Variants in SPHKAP observed in about 807,000 individuals in gnomAD.
SPHKAP encodes the protein SPHK1 interactor, AKAP domain containing.
In SPHKAP, 67 loss-of-function variants were observed where a neutral mutation model predicts 137.5. That is an observed-to-expected ratio of 0.49 (90% CI 0.40 to 0.60). The LOEUF (loss-of-function observed/expected upper bound fraction) is 0.60. Among genes scored for constraint, SPHKAP ranks in the 20% least tolerant of loss-of-function variants. The pLI, the probability that SPHKAP is intolerant of heterozygous loss-of-function variation, is 0.00. For synonymous variants in SPHKAP, 813 were observed against 785.3 expected, an observed-to-expected ratio of 1.04 and a Z score of -0.59; for missense variants, 2,097 against 2,069.3, an observed-to-expected ratio of 1.01 and a Z score of -0.26.
intron 3 of SPHKAP, among the ~76,000 whole-genome samples, chr2:228,068,409 A>G (rs1399660349): frequency 6.6e-6 from 1 of 152,126 alleles, no homozygotes; most frequent in African/African-American, 2.4e-5. Flanking sequence ...CCACAAAAGA[A>G]CCAGAAGAAC....
chr2:228,137,026 C>T (rs367650821), intron 1 of SPHKAP, among the ~76,000 whole-genome samples: 3 of 152,116 alleles, frequency 2.0e-5, no homozygotes, highest in African/African-American at 7.2e-5. Flanking sequence ...CACACACCTC[C>T]AGTGCCCCAT....
intron 1 of SPHKAP, among the ~76,000 whole-genome samples, chr2:228,143,451 C>T (rs746872003): frequency 7.2e-5 from 11 of 151,736 alleles, no homozygotes; most frequent in Non-Finnish European, 1.3e-4. Context: ...AAACATAAGT[C>T]CATTCAGGTC....
Position 228,018,723 on chromosome 2 carries a change from G to A in SPHKAP, c.2131C>T (p.Gln711Ter), listed in dbSNP as rs1452524102. 2 of 1,614,024 alleles carry A rather than the reference G, an allele frequency of 1.2e-6. No homozygotes were observed. The highest frequency in any genetic ancestry group is 1.7e-6 in the Non-Finnish European group (2 of 1,180,040). Reference sequence around the variant, plus strand: ...AAGCATATCACATCTAAAAGCAGTTGATTTGTACTTTCCATTAAGGTGTCC... The same window carrying A: ...AAGCATATCACATCTAAAAGCAGTTAATTTGTACTTTCCATTAAGGTGTCC... The part of the protein sequence containing the change: ...ILDTLMESTN[Q>*]LLLDVICFTF... The change falls in exon 7 of 12, where the codon CAA becomes TAA. Residue 711 changes from glutamine to a stop codon, truncating the protein, a stop_gained. Coordinates refer to ENST00000392056, the MANE Select transcript of SPHKAP (RefSeq NM_001142644.2). LOFTEE classifies it high-confidence loss of function.
intron 3 of SPHKAP, among the ~76,000 whole-genome samples, chr2:228,088,137 G>T (rs1157617296): frequency 6.6e-6 from 1 of 152,066 alleles, no homozygotes; most frequent in African/African-American, 2.4e-5. Flanking sequence ...CAAGAAAAGT[G>T]AGAGAGACCC....
chr2:228,139,284 T>G (rs1411980688), intron 1 of SPHKAP, among the ~76,000 whole-genome samples: 1 of 152,184 alleles, frequency 6.6e-6, no homozygotes, highest in East Asian at 1.9e-4. Context: ...AATGCTTTTT[T>G]ATTTAGGCAA....
In SPHKAP at chr2:227,981,559, G is replaced by C. The variant is rs1692994210; in HGVS notation, c.*158C>G. On this transcript the variant is annotated 3_prime_UTR_variant, in exon 12 of 12. Coordinates refer to ENST00000392056, the MANE Select transcript of SPHKAP (RefSeq NM_001142644.2). The stretch of plus-strand genomic sequence containing the variant: ...CAGACCTATATTTTGCTTTTCCTCT[G>C]ACTTATTCTGTATGCAGTGGATCTG... 2.1e-6 allele frequency: 2 copies of C among 949,002 alleles called. No homozygotes were observed. The highest frequency in any genetic ancestry group is 4.1e-5 in the South Asian group (2 of 48,864). 58.8% of individuals were successfully genotyped at this position (949,002 alleles called of 1,614,324 possible). A position where few individuals can be genotyped will look rare whatever the true frequency, so the allele number is the denominator to read the frequency against.
In SPHKAP at chr2:228,012,185, AAAAG is replaced by A. The variant is rs1440093998; in HGVS notation, c.4448+4217_4448+4220del. On this transcript the variant is annotated intron_variant, in intron 7 of 11. Coordinates refer to ENST00000392056, the MANE Select transcript of SPHKAP (RefSeq NM_001142644.2). The stretch of plus-strand genomic sequence containing the variant: ...CCTCAAAAAAAAAAAAAAAAAAAAA[AAAAG>A]AAAGAAAGAAAGAAATATACAATGC... Among the ~76,000 whole-genome samples the A allele has an allele frequency of 8.9e-3, 684 of 77,032 alleles. 25 individuals carry two copies. Among genetic ancestry groups the A allele is most frequent in the East Asian group, 0.041 (65 of 1,580 alleles). 50.5% of individuals were successfully genotyped at this position (77,032 alleles called of 152,430 possible).
intron 1 of SPHKAP, among the ~76,000 whole-genome samples, chr2:228,137,235 A>C (rs1699461703): frequency 6.6e-6 from 1 of 152,250 alleles, no homozygotes; most frequent in Non-Finnish European, 1.5e-5. Flanking sequence ...CTAAAAGGGC[A>C]GGGGATCACT....
intron 3 of SPHKAP, among the ~76,000 whole-genome samples, chr2:228,050,001 C>T (rs935687336): frequency 7.9e-5 from 12 of 151,856 alleles, no homozygotes; most frequent in Admixed American, 5.9e-4. Context: ...CAAGAAAAAA[C>T]AAATAACCCC....
intron 2 of SPHKAP, among the ~76,000 whole-genome samples, chr2:228,110,443 G>A (rs1698483578): frequency 6.6e-6 from 1 of 152,070 alleles, no homozygotes; most frequent in Non-Finnish European, 1.5e-5. Flanking sequence ...CTTTGTGGAT[G>A]AGCAAGTAAT....
At chr2:228,045,171 A>G (rs1390296357) in intron 3 of SPHKAP, among the ~76,000 whole-genome samples, 6 of 151,526 alleles carry the variant, frequency 4.0e-5, no homozygotes, top group Non-Finnish European at 8.8e-5. Flanking sequence ...TAGTTCAACC[A>G]TTGTGGAAGG....
chr2:228,112,067 A>G (rs1376478256), intron 2 of SPHKAP, among the ~76,000 whole-genome samples: 1 of 152,140 alleles, frequency 6.6e-6, no homozygotes, highest in African/African-American at 2.4e-5. Flanking sequence ...TAATTTCTCA[A>G]AGGAAAGGAT....
At chr2:228,030,513 C>CAAAAAAAAAAAAAAAAAAAACAACAA (rs11287311) in intron 3 of SPHKAP, among the ~76,000 whole-genome samples, 1 of 48,776 alleles carries the variant, frequency 2.1e-5, no homozygotes, top group African/African-American at 7.4e-5. Flanking sequence ...GATACCATCT[C>CAAAAAAAAAAAAAAAAAAAACAACAA]AAAAAAAAAA....
rs760454456 is a variant in SPHKAP at position 228,017,569 on chromosome 2, G to C, written c.3285C>G (p.Ala1095=). Residue 1095 remains alanine, a synonymous_variant, in exon 7 of 12, where the codon GCC becomes GCG. Transcript: ENST00000392056. The part of the protein sequence containing the change: ...SIPEEDSEAR[A]YVNSLGLMST... ...TCATTAAGCCCAGGCTGTTGACATA[G>C]GCCCTGGCCTCGGAGTCTTCCTCAG... The C allele has an allele frequency of 1.2e-6, 2 of 1,613,756 alleles. No individual in the cohort carries two copies. The highest frequency in any genetic ancestry group is 2.2e-5 in the East Asian group (1 of 44,864).
At chr2:228,029,903 C>T (rs1366333347) in intron 3 of SPHKAP, among the ~76,000 whole-genome samples, 3 of 152,136 alleles carry the variant, frequency 2.0e-5, no homozygotes, top group Non-Finnish European at 4.4e-5. Context: ...TCATGCATCA[C>T]AGTGGCAGAG....
chr2:228,018,479 T>A lies in SPHKAP; in HGVS notation c.2375A>T (p.Tyr792Phe). 6.2e-7 allele frequency: 1 copy of A among 1,614,202 alleles called. No individual in the cohort carries two copies. The highest frequency in any genetic ancestry group is 8.5e-7 in the Non-Finnish European group (1 of 1,180,024). Reference protein sequence around the residue: ...LVINNLVDGMYSKQDKGGVRP... With the variant: ...LVINNLVDGMFSKQDKGGVRP... ...CACTCCACCCTTGTCTTGTTTTGAA[T>A]ACATGCCATCCACAAGATTGTTGAT... Residue 792 changes from tyrosine (Y) to phenylalanine (F), a missense_variant, in exon 7 of 12, where the codon TAT (tyrosine) becomes TTT (phenylalanine). Physicochemically the swap from Tyr to Phe is conservative, Grantham distance 22. Coordinates refer to ENST00000392056, the MANE Select transcript of SPHKAP (RefSeq NM_001142644.2).
chr2:228,164,789 A>T (rs951525610), intron 1 of SPHKAP, among the ~76,000 whole-genome samples: 4 of 152,014 alleles, frequency 2.6e-5, no homozygotes, highest in Non-Finnish European at 5.9e-5. Context: ...GACTCTTTCA[A>T]CTGCTGGTCT....
At chr2:228,005,704 T>C (rs1002399883) in intron 7 of SPHKAP, among the ~76,000 whole-genome samples, 1 of 152,224 alleles carries the variant, frequency 6.6e-6, no homozygotes, top group South Asian at 2.1e-4. Flanking sequence ...TTCCTTTCCA[T>C]GTTTAGTGCT....
intron 3 of SPHKAP, among the ~76,000 whole-genome samples, chr2:228,100,972 A>G (rs574267996): frequency 6.6e-6 from 1 of 152,076 alleles, no homozygotes; most frequent in East Asian, 1.9e-4. Flanking sequence ...CACTTTTTAT[A>G]AGAGTGGCCC....
Sources: allele counts gnomAD v4.1 joint callset (sites outside exome capture counted in the v4.1 genomes callset), GRCh38; gene constraint gnomAD v4.1.1; transcripts MANE v1.5; gene names NCBI Gene and HGNC (gene_info 2026-07-23, HGNC 2026-07-21).